The following FGD5 variants were observed in gnomAD, a reference collection of about 807,000 sequenced individuals.
FGD5 encodes the protein FYVE, RhoGEF and PH domain containing 5, also known as FYVE, RhoGEF and PH domain-containing protein 5.
FGD5 carries 28 observed loss-of-function variants against 133.4 expected under a neutral mutation model. That is an observed-to-expected ratio of 0.21 (90% CI 0.16 to 0.29). The LOEUF is 0.29. FGD5 is among the 10% of genes least tolerant of loss of function. FGD5 has a pLI of 1.00. For synonymous variants in FGD5, 810 were observed against 776.5 expected (o/e 1.04, Z -0.72); for missense variants, 1,858 against 1,895.2 (o/e 0.98, Z 0.36).
chr3:14,822,223 G>T (rs2036519400), intron 1 of FGD5, among the ~76,000 whole-genome samples: 1 of 152,120 alleles, frequency 6.6e-6, no homozygotes. Flanking sequence ...CATTATTTGG[G>T]AGACAGTTCT....
chr3:14,924,686 G>A (rs1235149057), intron 17 of FGD5, among the ~76,000 whole-genome samples: 2 of 152,224 alleles, frequency 1.3e-5, no homozygotes, highest in Admixed American at 6.5e-5. Context: ...CTGCTTCCAA[G>A]TTAGTCCATT....
intron 2 of FGD5, among the ~76,000 whole-genome samples, chr3:14,877,289 A>G (rs909310987): frequency 2.2e-4 from 33 of 152,316 alleles, no homozygotes; most frequent in African/African-American, 7.7e-4. Context: ...AGACACATCC[A>G]TCATCGCAGA....
chr3:14,926,364 T>C (rs2038803435), intron 18 of FGD5, among the ~76,000 whole-genome samples, 166 bp downstream of exon 18: 1 of 152,240 alleles, frequency 6.6e-6, no homozygotes, highest in African/African-American at 2.4e-5. Flanking sequence ...AATGTTGCTG[T>C]GGCTACACAA....
chr3:14,858,373 GGATGGATGGATGGATGGATGGATA>G (rs926150185), intron 1 of FGD5, among the ~76,000 whole-genome samples: 2 of 150,936 alleles, frequency 1.3e-5, no homozygotes, highest in Non-Finnish European at 2.9e-5. Context: ...ATGGATGGAT[GGATGGATGGATGGATGGATGGATA>G]GATAGATGAA....
At chr3:14,870,920 T>A (rs1174233624) in intron 2 of FGD5, among the ~76,000 whole-genome samples, 4 of 152,238 alleles carry the variant, frequency 2.6e-5, no homozygotes, top group Non-Finnish European at 5.9e-5. Flanking sequence ...TGCCATGTCT[T>A]AATCACAGAT....
intron 18 of FGD5, 99 bp from the exon 19 acceptor site, chr3:14,932,478 A>C: frequency 2.1e-6 from 3 of 1,402,648 alleles, no homozygotes; most frequent in Non-Finnish European, 2.9e-6. Context: ...AGCACACCCC[A>C]CACAGAGGCA....
At chr3:14,833,495 C>T (rs952440904) in intron 1 of FGD5, among the ~76,000 whole-genome samples, 1 of 152,138 alleles carries the variant, frequency 6.6e-6, no homozygotes, top group Non-Finnish European at 1.5e-5. Flanking sequence ...GAGATGTGTC[C>T]AGCAGGGTAG....
At chr3:14,884,200 G>A (rs2037880743) in intron 4 of FGD5, among the ~76,000 whole-genome samples, 2 of 152,190 alleles carry the variant, frequency 1.3e-5, no homozygotes, top group Non-Finnish European at 2.9e-5. Flanking sequence ...TCTATCCTCT[G>A]TTTTTTCATC....
chr3:14,811,659 T>G (rs551070891), intron 1 of FGD5, among the ~76,000 whole-genome samples: 2 of 152,286 alleles, frequency 1.3e-5, no homozygotes, highest in South Asian at 4.1e-4. Context: ...CAAAATGTGT[T>G]TGAAATCGCA....
At chr3:14,912,047 G>A (rs2038459025) in intron 11 of FGD5, among the ~76,000 whole-genome samples, 1 of 152,024 alleles carries the variant, frequency 6.6e-6, no homozygotes, top group Non-Finnish European at 1.5e-5. Flanking sequence ...TGGTGTGTTG[G>A]AGGAGTTCTG....
intron 4 of FGD5, among the ~76,000 whole-genome samples, chr3:14,885,123 A>G (rs1486535294): frequency 1.3e-5 from 2 of 150,892 alleles, no homozygotes; most frequent in Non-Finnish European, 2.9e-5. Context: ...TTTGACTCTT[A>G]TCTTTTATTC....
At chr3:14,853,951 G>A (rs1280406958) in intron 1 of FGD5, among the ~76,000 whole-genome samples, 1 of 150,994 alleles carries the variant, frequency 6.6e-6, no homozygotes, top group Non-Finnish European at 1.5e-5. Context: ...GACTCAGAGG[G>A]TGGATACAGT....
intron 1 of FGD5, among the ~76,000 whole-genome samples, chr3:14,822,556 G>C (rs1175686542): frequency 6.6e-6 from 1 of 151,556 alleles, no homozygotes; most frequent in Non-Finnish European, 1.5e-5. Flanking sequence ...TTGAACAGCA[G>C]TGGGGGTGTT....
chr3:14,908,964 T>C (rs184309121), intron 10 of FGD5, among the ~76,000 whole-genome samples: 1 of 146,326 alleles, frequency 6.8e-6, no homozygotes, highest in African/African-American at 2.8e-5. Context: ...ATTCATTCAT[T>C]CATTCATCCA....
intron 1 of FGD5, among the ~76,000 whole-genome samples, chr3:14,835,749 G>A (rs139112252): frequency 2.0e-3 from 304 of 152,274 alleles, no homozygotes; most frequent in African/African-American, 7.1e-3. Flanking sequence ...TGGGTGAGCC[G>A]TTTTCTAGAA....
intron 2 of FGD5, among the ~76,000 whole-genome samples, chr3:14,869,490 T>A (rs533441928): frequency 6.6e-6 from 1 of 152,332 alleles, no homozygotes; most frequent in Admixed American, 6.5e-5. Flanking sequence ...TGCAGTGCAG[T>A]AGCATGAAGC....
chr3:14,917,729 A>G lies in FGD5; in HGVS notation c.3489+397A>G, dbSNP rs2038586970. On this transcript the variant is annotated intron_variant, in intron 12 of 19. Transcript: ENST00000285046. This position sits in a 1 kb window ranked among gnomAD's most constrained non-coding sequence, Gnocchi z 4.1. ...TTTAAATGTACAGTTCTGTGGCACTAAGCACATTTACATTGCTGTGTATCC... is the reference window on the plus strand; with the variant it reads ...TTTAAATGTACAGTTCTGTGGCACTGAGCACATTTACATTGCTGTGTATCC... Among the ~76,000 whole-genome samples the G allele has an allele frequency of 6.6e-6, 1 of 152,192 alleles. No individual in the cohort carries two copies. Among genetic ancestry groups the G allele is most frequent in the African/African-American group, 2.4e-5 (1 of 41,434 alleles).
At position 14,820,421 on chromosome 3, in the gene FGD5, G is replaced by C. The variant is rs753667680; in HGVS notation, c.1350G>C (p.Ser450=). The C allele has an allele frequency of 4.3e-6, 7 of 1,613,966 alleles. No homozygotes were observed. The Admixed American group carries it at 1.2e-4, about 27-fold the overall frequency. The change falls in exon 1 of 20, where the codon TCG becomes TCC. Residue 450 remains serine (S), a synonymous_variant. Transcript: ENST00000285046. ...AAPGEGGQAA[S]DALGGYGSKE... is the part of the protein sequence containing the mutation. ...CTGGAGAAGGAGGGCAGGCTGCATC[G>C]GACGCCCTGGGTGGTTATGGCTCGA...
chr3:14,922,150 C>A lies in FGD5; in HGVS notation c.3669+133C>A, dbSNP rs1469300552. On this transcript the variant is annotated intron_variant, in intron 14 of 19. Coordinates refer to ENST00000285046, the MANE Select transcript of FGD5 (RefSeq NM_152536.4). The surrounding 1 kb of genome is among the most constrained non-coding windows in gnomAD (Gnocchi z 4.1). Reference sequence around the variant, plus strand: ...TTGGGGCACTGGCTCCCCCCACACCCCTGCCATGCTCCCACCCTAGTCAGG... The same window carrying A: ...TTGGGGCACTGGCTCCCCCCACACCACTGCCATGCTCCCACCCTAGTCAGG... The A allele has an allele frequency of 1.9e-6, 2 of 1,068,372 alleles. No individual in the cohort carries two copies. Among genetic ancestry groups the A allele is most frequent in the Non-Finnish European group, 2.7e-6 (2 of 731,760 alleles). 66.2% of individuals were successfully genotyped at this position (1,068,372 alleles called of 1,614,324 possible).
Sources: gnomAD v4.1 joint callset for allele counts (sites outside exome capture counted in the v4.1 genomes callset) on GRCh38, gnomAD v4.1.1 for gene constraint, Gnocchi (gnomAD v3.1) non-coding constraint, MANE v1.5 for transcripts, NCBI Gene and HGNC (gene_info 2026-07-23, HGNC 2026-07-21) for gene names.